The following FUT9 variants were observed in gnomAD, a reference collection of about 807,000 sequenced individuals.
The protein encoded by FUT9 is fucosyltransferase 9.
A neutral mutation model predicts 29.7 loss-of-function variants in FUT9; 15 were observed. That is an observed-to-expected ratio of 0.51 (90% confidence interval 0.34 to 0.78). The LOEUF is 0.78. Among genes scored for constraint, FUT9 ranks in the 30% least tolerant of loss-of-function variants. The pLI, the probability that FUT9 is intolerant of heterozygous loss-of-function variation, is 0.01. For missense variants in FUT9, 319 were observed against 425.4 expected, an observed-to-expected ratio of 0.75 and a Z score of 2.20; for synonymous variants, 169 against 153.7, an observed-to-expected ratio of 1.10 and a Z score of -0.74.
Position 96,203,594 on chromosome 6 carries a change from G to T in FUT9, c.439G>T (p.Gly147Cys). Residue 147 changes from glycine (G) to cysteine (C), a missense_variant, in exon 3 of 3, where the codon GGC becomes TGC. Coordinates refer to ENST00000302103, the MANE Select transcript of FUT9 (RefSeq NM_006581.4). ...ESPTHTPQKS[G>C]IEHLFNLTLT... ...ACCAACTCACACTCCCCAAAAGAGT[G>T]GCATTGAGCACTTGTTTAACCTGAC... 1 of 1,613,828 alleles carries T rather than the reference G, an allele frequency of 6.2e-7. No homozygotes were observed. The highest frequency in any genetic ancestry group is 8.5e-7 in the Non-Finnish European group (1 of 1,179,918).
At chr6:96,185,614 G>T (rs949038351) in intron 2 of FUT9, among the ~76,000 whole-genome samples, 1 of 152,080 alleles carries the variant, frequency 6.6e-6, no homozygotes, top group Non-Finnish European at 1.5e-5. Context: ...AGAATAATCT[G>T]CAGAATGAGG....
At chr6:96,035,573 T>C (rs970251502) in intron 1 of FUT9, among the ~76,000 whole-genome samples, 1 of 147,532 alleles carries the variant, frequency 6.8e-6, no homozygotes, top group Non-Finnish European at 1.5e-5. Context: ...ATCAATGTAA[T>C]ATTTACCCAG....
chr6:96,138,217 T>C (rs1267754428), intron 2 of FUT9, among the ~76,000 whole-genome samples: 1 of 152,218 alleles, frequency 6.6e-6, no homozygotes, highest in Non-Finnish European at 1.5e-5. Flanking sequence ...GGGTTTTCTA[T>C]ATCTTTGGAG....
intron 2 of FUT9, among the ~76,000 whole-genome samples, chr6:96,181,192 G>A (rs2127985944): frequency 6.6e-6 from 1 of 152,066 alleles, no homozygotes; most frequent in Non-Finnish European, 1.5e-5. Context: ...AAATCACATT[G>A]TCATATCAGA....
intron 2 of FUT9, among the ~76,000 whole-genome samples, chr6:96,116,827 T>A (rs565563240): frequency 2.0e-5 from 3 of 152,220 alleles, no homozygotes; most frequent in South Asian, 4.1e-4. Flanking sequence ...TACAAAATCA[T>A]TGATTACATG....
At chr6:96,164,393 GGACTACA>G (rs1772974565) in intron 2 of FUT9, among the ~76,000 whole-genome samples, 1 of 151,750 alleles carries the variant, frequency 6.6e-6, no homozygotes, top group Non-Finnish European at 1.5e-5. Flanking sequence ...TGAGTAGCTG[GGACTACA>G]GGCGCCTGCC....
intron 2 of FUT9, among the ~76,000 whole-genome samples, chr6:96,150,685 C>T (rs551385491): frequency 9.2e-5 from 14 of 152,298 alleles, no homozygotes; most frequent in Middle Eastern, 3.4e-3. Flanking sequence ...GACTAATCCA[C>T]GTGCCACTAA....
At chr6:96,070,446 G>C (rs1467866398) in intron 1 of FUT9, among the ~76,000 whole-genome samples, 2 of 152,082 alleles carry the variant, frequency 1.3e-5, no homozygotes, top group Non-Finnish European at 2.9e-5. Flanking sequence ...AGCACTTTGG[G>C]AGGCCAAGGT....
chr6:96,040,873 G>A (rs578008107), intron 1 of FUT9, among the ~76,000 whole-genome samples: 85 of 152,122 alleles, frequency 5.6e-4, no homozygotes, highest in Non-Finnish European at 2.4e-4. Context: ...TTTGTACTTG[G>A]CCTTTTTATC....
At chr6:96,033,936 AACTT>A (rs1437987053) in intron 1 of FUT9, among the ~76,000 whole-genome samples, 2 of 151,426 alleles carry the variant, frequency 1.3e-5, no homozygotes, top group Non-Finnish European at 3.0e-5. Context: ...ATTCATCCTA[AACTT>A]ACTTAAACAC....
Position 96,211,853 on chromosome 6 carries a change from C to T in FUT9, c.*7618C>T, listed in dbSNP as rs939218853. The T allele has an allele frequency of 3.7e-5, 14 of 373,918 alleles. No homozygotes were observed. The highest frequency in any genetic ancestry group is 2.9e-4 in the African/African-American group (14 of 47,932). The allele number at this position is 373,918 out of a possible 1,614,324, so 23.2% of individuals were successfully genotyped here. On this transcript the variant is annotated 3_prime_UTR_variant, in exon 3 of 3. Transcript: ENST00000302103. Reference sequence around the variant, plus strand: ...TTAGAAATGTCTGTTATGTCAGTAACATTAGAAAACTTCAAAAACTGATTT... The same window carrying T: ...TTAGAAATGTCTGTTATGTCAGTAATATTAGAAAACTTCAAAAACTGATTT...
chr6:96,193,672 A>G, intron 2 of FUT9, among the ~76,000 whole-genome samples: 1 of 152,134 alleles, frequency 6.6e-6, no homozygotes, highest in Non-Finnish European at 1.5e-5. Flanking sequence ...AGAACTGGAA[A>G]TACCATTTGA....
intron 1 of FUT9, among the ~76,000 whole-genome samples, chr6:96,068,280 T>C (rs1037519458): frequency 1.3e-5 from 2 of 152,038 alleles, no homozygotes; most frequent in African/African-American, 4.8e-5. Context: ...AAGACAGTAA[T>C]ATTGAGAAAC....
chr6:96,049,793 G>A (rs888463838), intron 1 of FUT9, among the ~76,000 whole-genome samples: 1 of 152,122 alleles, frequency 6.6e-6, no homozygotes, highest in African/African-American at 2.4e-5. Flanking sequence ...GAGAGAACAA[G>A]AAATTTGGAA....
At chr6:96,141,331 A>G (rs11156231) in intron 2 of FUT9, among the ~76,000 whole-genome samples, 24,354 of 152,180 alleles carry the variant, frequency 0.16, 2,188 homozygotes, top group African/African-American at 0.19. Flanking sequence ...TCTATGAATA[A>G]AGAAAAAGCA....
intron 1 of FUT9, among the ~76,000 whole-genome samples, chr6:96,042,746 A>G (rs1011795581): frequency 6.6e-6 from 1 of 152,132 alleles, no homozygotes; most frequent in Non-Finnish European, 1.5e-5. Context: ...TAGTCCATTG[A>G]GTTTTATAGA....
chr6:96,194,429 A>G (rs948025306), intron 2 of FUT9, among the ~76,000 whole-genome samples: 2 of 152,152 alleles, frequency 1.3e-5, no homozygotes, highest in African/African-American at 2.4e-5. Context: ...AAAAGGGAGC[A>G]CTAGGTGGAC....
chr6:96,053,034 C>T (rs6930017), intron 1 of FUT9, among the ~76,000 whole-genome samples: 82,313 of 151,444 alleles, frequency 0.54, 22,466 homozygotes, highest in South Asian at 0.63. Flanking sequence ...TGAAAATATA[C>T]CAAAAGGAAA....
At chr6:96,132,989 T>C (rs2127969963) in intron 2 of FUT9, among the ~76,000 whole-genome samples, 1 of 152,162 alleles carries the variant, frequency 6.6e-6, no homozygotes, top group Non-Finnish European at 1.5e-5. Context: ...TTTGGTTACA[T>C]GGATATGTTC....
Sources: allele counts gnomAD v4.1 joint callset (sites outside exome capture counted in the v4.1 genomes callset), GRCh38; gene constraint gnomAD v4.1.1; transcripts MANE v1.5; gene names NCBI Gene and HGNC (gene_info 2026-07-23, HGNC 2026-07-21).